CCDC102B: variants seen among roughly 807,000 people sequenced by gnomAD.
The protein encoded by CCDC102B is coiled-coil domain containing 102B, also known as coiled-coil domain-containing protein 102B.
CCDC102B carries 75 observed loss-of-function variants against 57.4 expected under a neutral mutation model. The observed-to-expected ratio is 1.31, with a 90% CI of 1.08 to 1.58. The LOEUF is 1.58. Ranked by LOEUF, CCDC102B falls within the 40% of genes most tolerant of loss-of-function variation. CCDC102B has a pLI of 0.00. For synonymous variants in CCDC102B, 206 were observed against 201.9 expected (o/e 1.02, Z -0.17); for missense variants, 636 against 582.6 (o/e 1.09, Z -0.94).
chr18:68,956,829 G>A (rs934811153), intron 6 of CCDC102B, among the ~76,000 whole-genome samples: 1 of 150,846 alleles, frequency 6.6e-6, no homozygotes, highest in African/African-American at 2.4e-5. Flanking sequence ...TTAACTGGAG[G>A]TAAGATAATA....
intron 1 of CCDC102B, among the ~76,000 whole-genome samples, chr18:68,812,207 C>T (rs371280935): frequency 5.9e-5 from 9 of 151,728 alleles, no homozygotes; most frequent in African/African-American, 2.2e-4. Context: ...TTAACCATTT[C>T]AACAGGAAAA....
intron 2 of CCDC102B, among the ~76,000 whole-genome samples, chr18:68,783,932 C>A (rs2035095199): frequency 6.6e-6 from 1 of 152,122 alleles, no homozygotes; most frequent in South Asian, 2.1e-4. Flanking sequence ...ATACTCAAGA[C>A]TAAACTCCAT....
At chr18:68,901,418 G>A (rs2145034747) in intron 6 of CCDC102B, among the ~76,000 whole-genome samples, 1 of 152,262 alleles carries the variant, frequency 6.6e-6, no homozygotes, top group South Asian at 2.1e-4. Context: ...TGGTTCATAG[G>A]TCATGGCTTG....
At chr18:69,002,407 G>A (rs939226674) in intron 6 of CCDC102B, among the ~76,000 whole-genome samples, 1 of 152,094 alleles carries the variant, frequency 6.6e-6, no homozygotes. Flanking sequence ...GGCCATGCCC[G>A]ATTTCAACAC....
At chr18:69,053,506 G>GGTTT (rs1389122243) in intron 7 of CCDC102B, among the ~76,000 whole-genome samples, 1 of 151,604 alleles carries the variant, frequency 6.6e-6, no homozygotes, top group African/African-American at 2.4e-5. Flanking sequence ...ATATTTCAGA[G>GGTTT]ATCATTTTGA....
At chr18:68,975,038 C>A (rs537558364) in intron 6 of CCDC102B, among the ~76,000 whole-genome samples, 1 of 151,928 alleles carries the variant, frequency 6.6e-6, no homozygotes, top group African/African-American at 2.4e-5. Flanking sequence ...TCCCAAGAAT[C>A]GTAAGACTCA....
intron 1 of CCDC102B, among the ~76,000 whole-genome samples, chr18:68,804,374 C>T (rs535191059): frequency 3.3e-5 from 5 of 152,206 alleles, no homozygotes; most frequent in East Asian, 3.9e-4. Flanking sequence ...CAGCTGGACA[C>T]GTGAGATCCC....
chr18:68,870,839 T>C (rs908512469), intron 4 of CCDC102B, among the ~76,000 whole-genome samples: 2 of 152,174 alleles, frequency 1.3e-5, no homozygotes, highest in Non-Finnish European at 2.9e-5. Flanking sequence ...TTTTGGATCA[T>C]TTTGAAGGTT....
downstream of CCDC102B, among the ~76,000 whole-genome samples, chr18:69,056,116 A>G (rs1386775991): frequency 2.6e-5 from 4 of 152,094 alleles, no homozygotes; most frequent in East Asian, 7.8e-4. Flanking sequence ...CGAAGTTGAG[A>G]TGTGATAGAT....
At chr18:68,728,351 A>T (rs936883485) in intron 2 of CCDC102B, among the ~76,000 whole-genome samples, 1 of 152,248 alleles carries the variant, frequency 6.6e-6, no homozygotes, top group South Asian at 2.1e-4. Context: ...ATATACAAGC[A>T]TAATAGATAT....
At chr18:68,782,132 TAGAA>T (rs2144636868) in intron 2 of CCDC102B, among the ~76,000 whole-genome samples, 1 of 152,262 alleles carries the variant, frequency 6.6e-6, no homozygotes, top group East Asian at 1.9e-4. Flanking sequence ...TGAATTTTCT[TAGAA>T]AGATGGTTAA....
At chr18:68,961,848 G>A (rs28642243) in intron 6 of CCDC102B, among the ~76,000 whole-genome samples, 29,321 of 151,830 alleles carry the variant, frequency 0.19, 3,194 homozygotes, top group African/African-American at 0.29. Context: ...ATAGCAGTTC[G>A]TGGATTTTAA....
At chr18:68,883,884 A>G (rs1000194317) in intron 5 of CCDC102B, among the ~76,000 whole-genome samples, 6 of 152,196 alleles carry the variant, frequency 3.9e-5, no homozygotes, top group African/African-American at 7.2e-5. Context: ...TTTGTACACT[A>G]AACATCCAAT....
chr18:69,009,605 T>G (rs572015821), intron 6 of CCDC102B, among the ~76,000 whole-genome samples: 74 of 152,238 alleles, frequency 4.9e-4, no homozygotes, highest in Non-Finnish European at 9.1e-4. Flanking sequence ...TTCCCCTACG[T>G]GATGACTAAA....
chr18:69,046,414 C>A (rs1345087687), intron 7 of CCDC102B, among the ~76,000 whole-genome samples: 1 of 152,084 alleles, frequency 6.6e-6, no homozygotes, highest in Non-Finnish European at 1.5e-5. Flanking sequence ...ACTGTCTGTT[C>A]ATATCCTCGG....
chr18:69,011,731 T>C (rs1366451578), intron 7 of CCDC102B, among the ~76,000 whole-genome samples: 1 of 152,086 alleles, frequency 6.6e-6, no homozygotes, highest in African/African-American at 2.4e-5. Context: ...ATTGTGGGAC[T>C]GTCACCCGCA....
chr18:68,926,738 G>A (rs771470149), intron 6 of CCDC102B, among the ~76,000 whole-genome samples: 19 of 151,902 alleles, frequency 1.3e-4, no homozygotes, highest in Non-Finnish European at 2.1e-4. Flanking sequence ...TTTTTGTAAC[G>A]TATATTTGTG....
intron 6 of CCDC102B, among the ~76,000 whole-genome samples, chr18:68,990,015 C>T (rs981943457): frequency 6.6e-6 from 1 of 152,170 alleles, no homozygotes; most frequent in African/African-American, 2.4e-5. Flanking sequence ...CTGTATAGGA[C>T]CCACTCCTGG....
intron 1 of CCDC102B, among the ~76,000 whole-genome samples, chr18:68,804,597 C>A (rs926405064): frequency 6.6e-6 from 1 of 151,964 alleles, no homozygotes; most frequent in Non-Finnish European, 1.5e-5. Context: ...AGAGAGGATG[C>A]CCTCAGAAGC....
Sources: allele counts gnomAD v4.1 joint callset (sites outside exome capture counted in the v4.1 genomes callset), GRCh38; gene constraint gnomAD v4.1.1; transcripts MANE v1.5; gene names NCBI Gene and HGNC (gene_info 2026-07-23, HGNC 2026-07-21).